The following TANC2 variants were observed in gnomAD, a reference collection of about 807,000 sequenced individuals.
TANC2 encodes the protein protein TANC2.
TANC2 carries 26 observed loss-of-function variants against 210.5 expected under a neutral mutation model. That is an observed-to-expected ratio of 0.12 (90% CI 0.09 to 0.17). TANC2 has a LOEUF of 0.17. Ranked by LOEUF, TANC2 falls within the 10% of genes least tolerant of loss-of-function variation. TANC2 has a pLI of 1.00. For synonymous variants in TANC2, 931 were observed against 967.1 expected (o/e 0.96, Z 0.69); for missense variants, 2,129 against 2,608.9 (o/e 0.82, Z 4.01).
intron 3 of TANC2, among the ~76,000 whole-genome samples, chr17:63,079,656 T>G (rs1286327105): frequency 6.6e-6 from 1 of 152,226 alleles, no homozygotes; most frequent in Non-Finnish European, 1.5e-5. Context: ...AGGTGCATAC[T>G]GCCTGATAAT....
chr17:63,215,872 C>A (rs553830451), intron 7 of TANC2, among the ~76,000 whole-genome samples: 43 of 152,182 alleles, frequency 2.8e-4, no homozygotes, highest in Non-Finnish European at 3.1e-4. Context: ...GCCTCAGCCT[C>A]CCGAGTAGCT....
chr17:63,272,922 T>A (rs1169598639), intron 9 of TANC2, among the ~76,000 whole-genome samples: 1 of 152,126 alleles, frequency 6.6e-6, no homozygotes, highest in African/African-American at 2.4e-5. Flanking sequence ...ATAGGCAGAA[T>A]CTTGTACTAT....
chr17:63,345,168 A>G (rs1005602411), intron 12 of TANC2, among the ~76,000 whole-genome samples: 1 of 152,266 alleles, frequency 6.6e-6, no homozygotes, highest in Non-Finnish European at 1.5e-5. Context: ...CAAAAAATAT[A>G]TAATACTTAA....
At chr17:63,147,170 CA>C (rs532404338) in intron 4 of TANC2, among the ~76,000 whole-genome samples, 22 of 144,398 alleles carry the variant, frequency 1.5e-4, no homozygotes, top group Middle Eastern at 3.4e-3. Flanking sequence ...CTGTCTCTAC[CA>C]AAAAAAAAAG....
chr17:63,065,117 G>T (rs1191502810), intron 2 of TANC2, among the ~76,000 whole-genome samples: 3 of 151,986 alleles, frequency 2.0e-5, no homozygotes, highest in Admixed American at 6.6e-5. Context: ...ACTTTTTTAG[G>T]TTCCACATAT....
intron 9 of TANC2, among the ~76,000 whole-genome samples, chr17:63,306,914 T>C (rs1163850523): frequency 6.6e-6 from 1 of 152,096 alleles, no homozygotes; most frequent in Non-Finnish European, 1.5e-5. Context: ...TGATTGCCTC[T>C]CCAGCCTGTG....
At chr17:63,334,971 G>C (rs2045977183) in intron 11 of TANC2, among the ~76,000 whole-genome samples, 1 of 152,130 alleles carries the variant, frequency 6.6e-6, no homozygotes, top group Non-Finnish European at 1.5e-5. Flanking sequence ...TTGGGGAGGT[G>C]CTACACACTT....
chr17:62,992,787 A>G (rs564273742), intron 1 of TANC2, among the ~76,000 whole-genome samples: 1 of 152,196 alleles, frequency 6.6e-6, no homozygotes, highest in African/African-American at 2.4e-5. Flanking sequence ...CTACTATTAT[A>G]ATTTGTTTCC....
intron 4 of TANC2, among the ~76,000 whole-genome samples, chr17:63,103,894 A>G (rs1289009322): frequency 1.3e-5 from 2 of 152,128 alleles, no homozygotes; most frequent in African/African-American, 4.8e-5. Context: ...AGATGAGCAA[A>G]TTAAGTTCAT....
chr17:63,204,935 A>G (rs1323508059), intron 7 of TANC2, among the ~76,000 whole-genome samples: 1 of 151,908 alleles, frequency 6.6e-6, no homozygotes, highest in Non-Finnish European at 1.5e-5. Context: ...AAATACAAAA[A>G]GTAGCCAGGC....
At chr17:63,099,415 T>C in intron 4 of TANC2, 58 bp downstream of exon 4, 6 of 1,305,012 alleles carry the variant, frequency 4.6e-6, no homozygotes, top group Admixed American at 2.6e-5. Flanking sequence ...TATGACACTT[T>C]AGGTCACGTC....
intron 1 of TANC2, among the ~76,000 whole-genome samples, chr17:62,969,707 GTGTGTA>G (rs796575659): frequency 5.4e-4 from 82 of 151,548 alleles, no homozygotes; most frequent in African/African-American, 1.8e-3. Context: ...GTGTGTGTGT[GTGTGTA>G]TATAAATACA....
chr17:63,033,698 C>T (rs2034863217), intron 2 of TANC2, among the ~76,000 whole-genome samples: 1 of 151,898 alleles, frequency 6.6e-6, no homozygotes. Context: ...TGATGGTGCT[C>T]TTCATTTGAG....
intron 1 of TANC2, chr17:63,004,549 A>G: frequency 6.1e-6 from 1 of 163,214 alleles, no homozygotes. Context: ...CCTCTTCCCC[A>G]AAAAGCAACA....
At chr17:63,092,223 A>T (rs1188080996) in intron 3 of TANC2, among the ~76,000 whole-genome samples, 1 of 151,878 alleles carries the variant, frequency 6.6e-6, no homozygotes, top group Non-Finnish European at 1.5e-5. Flanking sequence ...ATATATCTTC[A>T]TTTCTTTTGG....
chr17:63,004,856 G>T, intron 1 of TANC2: 1 of 324,418 alleles, frequency 3.1e-6, no homozygotes, highest in Admixed American at 3.8e-5. Context: ...CCTGGTTTTA[G>T]AGGAGCAGGT....
intron 4 of TANC2, among the ~76,000 whole-genome samples, chr17:63,135,093 G>T (rs936003364): frequency 2.6e-5 from 4 of 152,142 alleles, no homozygotes; most frequent in Non-Finnish European, 5.9e-5. Flanking sequence ...GCATGCGCCT[G>T]TGGTCCCAGC....
chr17:63,283,629 T>G (rs2044131511), intron 9 of TANC2, among the ~76,000 whole-genome samples: 1 of 151,964 alleles, frequency 6.6e-6, no homozygotes, highest in Admixed American at 6.6e-5. Context: ...ATATAGTATA[T>G]CTCTGCAGTC....
At chr17:63,312,543 A>G (rs1335804444) in intron 9 of TANC2, among the ~76,000 whole-genome samples, 1 of 152,138 alleles carries the variant, frequency 6.6e-6, no homozygotes, top group Non-Finnish European at 1.5e-5. Flanking sequence ...ATTGACGTAA[A>G]GATGGTAACA....
Sources: gnomAD v4.1 joint callset for allele counts (sites outside exome capture counted in the v4.1 genomes callset) on GRCh38, gnomAD v4.1.1 for gene constraint, MANE v1.5 for transcripts, NCBI Gene and HGNC (gene_info 2026-07-23, HGNC 2026-07-21) for gene names.